LAIR1: variants seen among roughly 807,000 people sequenced by gnomAD.
The protein encoded by LAIR1 is leukocyte associated immunoglobulin like receptor 1.
A neutral mutation model predicts 32.8 loss-of-function variants in LAIR1; 24 were observed. The observed-to-expected ratio is 0.73, with a 90% CI of 0.53 to 1.03. LAIR1 has a LOEUF of 1.03. Among genes scored for constraint, LAIR1 ranks in the 50% least tolerant of loss-of-function variants. The probability of loss-of-function intolerance (pLI) is 0.00; values close to 1 mark genes in which losing one functional copy is unlikely to be tolerated. For synonymous variants in LAIR1, 150 were observed against 140.5 expected (o/e 1.07, Z -0.48); for missense variants, 355 against 347.5 (o/e 1.02, Z -0.17).
At chr19:54,359,370 C>T (rs1030815699) in intron 4 of LAIR1, among the ~76,000 whole-genome samples, 66 of 151,784 alleles carry the variant, frequency 4.3e-4, no homozygotes, top group African/African-American at 1.5e-3. Flanking sequence ...GAGTCCAGGG[C>T]AGAGCCAGAT....
chr19:54,367,953 T>C (rs1184522429), upstream of LAIR1, among the ~76,000 whole-genome samples: 1 of 150,764 alleles, frequency 6.6e-6, no homozygotes, highest in African/African-American at 2.4e-5. Flanking sequence ...TTTGTATTTT[T>C]AGTAGAGACG....
At chr19:54,365,609 A>G (rs2082227163), upstream of LAIR1, among the ~76,000 whole-genome samples, 1 of 152,022 alleles carries the variant, frequency 6.6e-6, no homozygotes, top group African/African-American at 2.4e-5. Context: ...TGGCCAACAT[A>G]GTGAAACCCT....
upstream of LAIR1, among the ~76,000 whole-genome samples, chr19:54,375,448 T>A (rs1457165039): frequency 2.0e-5 from 3 of 152,202 alleles, no homozygotes; most frequent in Non-Finnish European, 2.9e-5. Flanking sequence ...GAAGTCACCA[T>A]GAGGCTTAGT....
At chr19:54,374,778 A>C (rs1200331150), upstream of LAIR1, among the ~76,000 whole-genome samples, 2 of 152,150 alleles carry the variant, frequency 1.3e-5, no homozygotes, top group African/African-American at 4.8e-5. Flanking sequence ...GAAGTTCTCC[A>C]GAAAAGAATC....
intron 4 of LAIR1, among the ~76,000 whole-genome samples, chr19:54,358,961 G>A (rs560889922): frequency 6.6e-6 from 1 of 151,466 alleles, no homozygotes; most frequent in Non-Finnish European, 1.5e-5. Flanking sequence ...AAGAAGAGAG[G>A]GAGAGAAACA....
At chr19:54,374,388 G>A (rs1298566120), upstream of LAIR1, among the ~76,000 whole-genome samples, 3 of 152,146 alleles carry the variant, frequency 2.0e-5, no homozygotes, top group East Asian at 3.8e-4. Context: ...CAAGGGTGAC[G>A]GCCTTCTCCC....
rs921624280 is a variant in LAIR1, at chr19:54,353,506, C to G, written c.*1762G>C. ...GGGGTTCATAATGTGGAGTCAGGAGCCTCAGGTGGGTCTGAAGCCCCTGTC... is the reference window on the plus strand; with the variant it reads ...GGGGTTCATAATGTGGAGTCAGGAGGCTCAGGTGGGTCTGAAGCCCCTGTC... On this transcript the variant is annotated 3_prime_UTR_variant, in exon 10 of 10. Transcript: ENST00000391742. 7 of 152,188 alleles carry G rather than the reference C, an allele frequency of 4.6e-5. No individual in the cohort carries two copies. The highest frequency in any genetic ancestry group is 8.8e-5 in the Non-Finnish European group (6 of 68,062). The allele number at this position is 152,188 out of a possible 1,614,324, so 9.4% of individuals were successfully genotyped here.
At chr19:54,369,112 C>T (rs1308821112), upstream of LAIR1, among the ~76,000 whole-genome samples, 3 of 149,736 alleles carry the variant, frequency 2.0e-5, no homozygotes, top group Admixed American at 1.3e-4. Flanking sequence ...ATGCTTTACA[C>T]GACCCCAGCA....
chr19:54,364,265 C>T lies in LAIR1; in HGVS notation c.70+30G>A, dbSNP rs1168002721. 7 of 1,605,048 alleles carry T rather than the reference C, an allele frequency of 4.4e-6. No homozygotes were observed. In the South Asian group the frequency reaches 6.6e-5, roughly 15 times the overall value. On this transcript the variant is annotated intron_variant, in intron 2 of 9. Transcript: ENST00000391742. The surrounding 1 kb of genome is among the most constrained non-coding windows in gnomAD (Gnocchi z 4.8). Reference sequence around the variant, plus strand: ...ACTGCCCTTGGGGTGACAGAGGGGACTGGGAAGATGGGACGAAGGCATGAC... The same window carrying T: ...ACTGCCCTTGGGGTGACAGAGGGGATTGGGAAGATGGGACGAAGGCATGAC...
chr19:54,373,368 C>T (rs1300762884), upstream of LAIR1, among the ~76,000 whole-genome samples: 1 of 152,032 alleles, frequency 6.6e-6, no homozygotes, highest in Non-Finnish European at 1.5e-5. Flanking sequence ...GGCATGAACC[C>T]GGGAGGCGGA....
chr19:54,355,508 C>T lies in LAIR1; in HGVS notation c.718-94G>A. 1 of 1,114,830 alleles carries T rather than the reference C, an allele frequency of 9.0e-7. No individual in the cohort carries two copies. Among genetic ancestry groups the T allele is most frequent in the Non-Finnish European group, 1.3e-6 (1 of 790,550 alleles). The allele number at this position is 1,114,830 out of a possible 1,614,324, so 69.1% of individuals were successfully genotyped here. ...GGGCTGTGGCGGCCATCTCCATGGG[C>T]CCTGAGGACCCTCTCCTAAATTGCA... On this transcript the variant is annotated intron_variant, in intron 9 of 9. Coordinates refer to ENST00000391742, the MANE Select transcript of LAIR1 (RefSeq NM_002287.6). This position sits in a 1 kb window ranked among gnomAD's most constrained non-coding sequence, Gnocchi z 4.7.
chr19:54,373,438 C>T (rs569348234), upstream of LAIR1, among the ~76,000 whole-genome samples: 35 of 151,642 alleles, frequency 2.3e-4, 1 homozygote, highest in Admixed American at 1.5e-3. Flanking sequence ...AGCGAGACTC[C>T]GTCTCAAAAA....
chr19:54,353,857 C>T lies in LAIR1; in HGVS notation c.*1411G>A, dbSNP rs887332751. 3 of 144,020 alleles carry T rather than the reference C, an allele frequency of 2.1e-5. No individual in the cohort carries two copies. Among genetic ancestry groups the T allele is most frequent in the Non-Finnish European group, 3.1e-5 (2 of 64,866 alleles). 8.9% of individuals were successfully genotyped at this position (144,020 alleles called of 1,614,324 possible). A position where few individuals can be genotyped will look rare whatever the true frequency, so the allele number is the denominator to read the frequency against. ...ACGCCATTCTCCTCCCTCAGCCTCC[C>T]GAGTAGCTGGGACTACAGGCACCCA... On this transcript the variant is annotated 3_prime_UTR_variant, in exon 10 of 10. Transcript: ENST00000391742.
upstream of LAIR1, among the ~76,000 whole-genome samples, chr19:54,371,755 G>A (rs541469516): frequency 4.0e-5 from 6 of 151,608 alleles, 1 homozygote; most frequent in South Asian, 1.3e-3. Flanking sequence ...TTCTTCTGTT[G>A]CTCTTCATTT....
intron 4 of LAIR1, among the ~76,000 whole-genome samples, chr19:54,359,660 C>T (rs2081913199): frequency 6.6e-6 from 1 of 152,252 alleles, no homozygotes; most frequent in Non-Finnish European, 1.5e-5. Flanking sequence ...TGGGGCTGCC[C>T]GGGTGGGTGG....
upstream of LAIR1, among the ~76,000 whole-genome samples, chr19:54,373,625 G>T (rs190518049): frequency 3.1e-4 from 47 of 151,896 alleles, no homozygotes; most frequent in Middle Eastern, 3.4e-3. Context: ...ATTATTTCAC[G>T]ACTATTGTGA....
Position 54,351,420 on chromosome 19 carries a change from G to T in LAIR1, c.*3848C>A, listed in dbSNP as rs1415399531. On this transcript the variant is annotated 3_prime_UTR_variant, in exon 10 of 10. Coordinates refer to ENST00000391742, the MANE Select transcript of LAIR1 (RefSeq NM_002287.6). Reference sequence around the variant, plus strand: ...AGATATTTTATTTGTCTAAATGGAAGATATAGTTTACTTTCTTCACACAGA... The same window carrying T: ...AGATATTTTATTTGTCTAAATGGAATATATAGTTTACTTTCTTCACACAGA... 5 of 152,166 alleles carry T rather than the reference G, an allele frequency of 3.3e-5. No individual in the cohort carries two copies. The highest frequency in any genetic ancestry group is 1.2e-4 in the African/African-American group (5 of 41,428). 9.4% of individuals were successfully genotyped at this position (152,166 alleles called of 1,614,324 possible).
At chr19:54,371,400 G>T (rs905728162), upstream of LAIR1, among the ~76,000 whole-genome samples, 40 of 151,414 alleles carry the variant, frequency 2.6e-4, 3 homozygotes, top group African/African-American at 8.6e-4. Context: ...CCAGGCTCCA[G>T]CGATCCTCCT....
the LAIR1 span, among the ~76,000 whole-genome samples, chr19:54,375,929 C>T: frequency 2.6e-4 from 39 of 151,688 alleles, no homozygotes; most frequent in South Asian, 4.1e-4. Flanking sequence ...ATGGAAGGCT[C>T]ACTTCTCACT....
Sources: allele counts gnomAD v4.1 joint callset (sites outside exome capture counted in the v4.1 genomes callset), GRCh38; gene constraint gnomAD v4.1.1; non-coding constraint Gnocchi (gnomAD v3.1); transcripts MANE v1.5; gene names NCBI Gene and HGNC (gene_info 2026-07-23, HGNC 2026-07-21).